Variants in MAST3 observed in about 807,000 individuals in gnomAD.
The protein encoded by MAST3 is microtubule associated serine/threonine kinase 3, also known as microtubule-associated serine/threonine-protein kinase 3.
In MAST3, 43 loss-of-function variants were observed where a neutral mutation model predicts 127.0. That is an observed-to-expected ratio of 0.34 (90% CI 0.27 to 0.44). MAST3 has a LOEUF of 0.44. Ranked by LOEUF, MAST3 falls within the 20% of genes least tolerant of loss-of-function variation. The pLI, the probability that MAST3 is intolerant of heterozygous loss-of-function variation, is 1.00. For missense variants in MAST3, 1,390 were observed against 1,919.1 expected (o/e 0.72, Z 5.15); for synonymous variants, 785 against 809.2 (o/e 0.97, Z 0.51).
At chr19:18,135,022 C>A in intron 17 of MAST3, 40 bp downstream of exon 17, 1 of 1,553,434 alleles carries the variant, frequency 6.4e-7, no homozygotes, top group Non-Finnish European at 8.7e-7. Flanking sequence ...GCTGCAGCCC[C>A]ACCAGAGCTC....
chr19:18,143,650 A>C (rs1401714362), intron 21 of MAST3, 113 bp from the exon 22 acceptor site: 1 of 1,368,788 alleles, frequency 7.3e-7, no homozygotes, highest in Non-Finnish European at 9.9e-7. Context: ...CGTCCTGTCT[A>C]TGCAAATTAC....
chr19:18,145,912 G>T lies in MAST3; in HGVS notation c.3162+47G>T. 1 of 1,528,192 alleles carries T rather than the reference G, an allele frequency of 6.5e-7. No homozygotes were observed. Among genetic ancestry groups the T allele is most frequent in the Non-Finnish European group, 8.7e-7 (1 of 1,146,610 alleles). 94.7% of individuals were successfully genotyped at this position (1,528,192 alleles called of 1,614,324 possible). ...CCCTCAGGGCTCCCCAGCACCCCTT[G>T]GCCGCAGCTCCCGGTTCCCCGTGGT... On this transcript the variant is annotated intron_variant, in intron 25 of 27. Transcript: ENST00000687212. This position sits in a 1 kb window ranked among gnomAD's most constrained non-coding sequence, Gnocchi z 5.9.
At chr19:18,124,935 C>CCA (rs1555798764) in intron 11 of MAST3, among the ~76,000 whole-genome samples, 161 bp downstream of exon 11, 2 of 136,966 alleles carry the variant, frequency 1.5e-5, no homozygotes, top group African/African-American at 5.5e-5. Context: ...GTGGAAACCC[C>CCA]CCCCCTACTA....
chr19:18,146,955 T>C lies in MAST3; in HGVS notation c.3237T>C (p.Asn1079=), dbSNP rs1412239170. 11 of 1,562,344 alleles carry C rather than the reference T, an allele frequency of 7.0e-6. No individual in the cohort carries two copies. The highest frequency in any genetic ancestry group is 2.4e-5 in the East Asian group (1 of 41,962). ...TSIKVGPARK[N]VAKGRMARRS... The stretch of plus-strand genomic sequence containing the variant: ...TCAAGGTGGGCCCCGCCCGGAAGAA[T>C]GTGGCCAAGGGCCGCATGGCACGCA... Residue 1079 remains asparagine (N), a synonymous_variant, in exon 26 of 28, where the codon AAT becomes AAC. Transcript: ENST00000687212.
chr19:18,143,118 AAAAAAC>A (rs1164046614), intron 21 of MAST3, among the ~76,000 whole-genome samples: 2 of 151,792 alleles, frequency 1.3e-5, no homozygotes, highest in Non-Finnish European at 2.9e-5. Flanking sequence ...TCTCAAAAAA[AAAAAAC>A]AAAACAAAAA....
intron 12 of MAST3, 39 bp from the exon 13 acceptor site, chr19:18,128,827 T>G (rs2040946400): frequency 6.5e-7 from 1 of 1,532,244 alleles, no homozygotes; most frequent in African/African-American, 1.4e-5. Context: ...TTCCCAGCTC[T>G]GCAGCGGGGC....
intron 15 of MAST3, 72 bp downstream of exon 15, chr19:18,132,119 G>A (rs2041371041): frequency 6.3e-7 from 1 of 1,583,718 alleles, no homozygotes. Flanking sequence ...GGGCCAAAGA[G>A]GATCAGGGCA....
intron 13 of MAST3, 61 bp from the exon 14 acceptor site, chr19:18,130,433 G>A: frequency 6.9e-7 from 1 of 1,455,956 alleles, no homozygotes; most frequent in Non-Finnish European, 9.4e-7. Context: ...CTCAAGTTGA[G>A]CTGTAGTGCC....
At chr19:18,122,862 A>G in intron 6 of MAST3, 111 bp downstream of exon 6, 2 of 1,148,074 alleles carry the variant, frequency 1.7e-6, no homozygotes, top group Non-Finnish European at 1.3e-6. Context: ...CAGCAAACAT[A>G]CTAGTTACTT....
At chr19:18,115,359 G>A (rs1206485880) in intron 3 of MAST3, among the ~76,000 whole-genome samples, 1 of 152,070 alleles carries the variant, frequency 6.6e-6, no homozygotes, top group Admixed American at 6.5e-5. Context: ...AATAGGGGGT[G>A]TGTAGGTGTT....
intron 19 of MAST3, among the ~76,000 whole-genome samples, chr19:18,137,777 A>C (rs1599848075): frequency 6.7e-6 from 1 of 149,986 alleles, no homozygotes; most frequent in East Asian, 2.0e-4. Flanking sequence ...CTGAGGAATG[A>C]CTCTCTCTCT....
At chr19:18,105,974 G>A (rs1324764069) in intron 1 of MAST3, among the ~76,000 whole-genome samples, 2 of 152,162 alleles carry the variant, frequency 1.3e-5, no homozygotes, top group African/African-American at 4.8e-5. Context: ...CATCTGAGAT[G>A]GGACAGGGAG....
intron 3 of MAST3, among the ~76,000 whole-genome samples, chr19:18,119,820 G>A (rs535336028): frequency 5.3e-4 from 81 of 152,290 alleles, no homozygotes; most frequent in South Asian, 4.6e-3. Context: ...ATGATCATAC[G>A]CTTGTTCTCC....
At chr19:18,138,400 T>G (rs1372610564) in intron 19 of MAST3, among the ~76,000 whole-genome samples, 1 of 151,616 alleles carries the variant, frequency 6.6e-6, no homozygotes, top group East Asian at 2.0e-4. Context: ...TACTGGAACT[T>G]CTACCTCCCG....
intron 3 of MAST3, among the ~76,000 whole-genome samples, chr19:18,120,210 G>C (rs1335017454): frequency 6.6e-6 from 1 of 152,186 alleles, no homozygotes; most frequent in East Asian, 1.9e-4. Context: ...GTTGCATTTA[G>C]GGTTTCTAGT....
At chr19:18,136,690 G>GT (rs1568594585) in intron 18 of MAST3, among the ~76,000 whole-genome samples, 1 of 152,122 alleles carries the variant, frequency 6.6e-6, no homozygotes, top group Non-Finnish European at 1.5e-5. Flanking sequence ...GCCTCCCAAA[G>GT]TGCTGGCATT....
chr19:18,116,184 C>T lies in MAST3; in HGVS notation c.161+5443C>T, dbSNP rs888232668. On this transcript the variant is annotated intron_variant, in intron 3 of 27. Coordinates refer to ENST00000687212, the MANE Select transcript of MAST3 (RefSeq NM_001393504.1). ...TCTCGGCCCACTGCAACCTCCACCT[C>T]CCGGGTACAAGTGATTCTACCACCT... Among the ~76,000 whole-genome samples the T allele has an allele frequency of 5.3e-5, 8 of 150,096 alleles. No homozygotes were observed. The East Asian group carries it at 1.6e-3, about 29-fold the overall frequency.
rs2042916065 is a variant in MAST3 at position 18,145,338 on chromosome 19, G to A, written c.3039+109G>A. The A allele has an allele frequency of 9.6e-7, 1 of 1,045,648 alleles. No individual in the cohort carries two copies. The highest frequency in any genetic ancestry group is 1.6e-5 in the African/African-American group (1 of 63,762). 64.8% of individuals were successfully genotyped at this position (1,045,648 alleles called of 1,614,324 possible). ...AGCCTGGCAGGGTTAGGTAGATAGA[G>A]CTGGTGCCACCGAGTTCATCTCGGT... On this transcript the variant is annotated intron_variant, in intron 24 of 27. Coordinates refer to ENST00000687212, the MANE Select transcript of MAST3 (RefSeq NM_001393504.1). This position sits in a 1 kb window ranked among gnomAD's most constrained non-coding sequence, Gnocchi z 5.9.
At position 18,142,015 on chromosome 19, in the gene MAST3, G is replaced by A. The variant is rs753133725; in HGVS notation, c.2339G>A (p.Arg780Gln). Residue 780 changes from arginine to glutamine, a missense_variant and splice_region_variant, in exon 21 of 28, where the codon CGG becomes CAG. Around this residue, in one of 5 missense-constraint regions of MAST3, gnomAD observed 816 missense variants for 934.1 expected, o/e 0.87. Coordinates refer to ENST00000687212, the MANE Select transcript of MAST3 (RefSeq NM_001393504.1). ...DYGRRLSADI[R>Q]LRSWTSSGSS... ...GGCCGCCGGCTGAGTGCTGACATCC[G>A]GTAAGTGGCCTGGGGAAGTGTAGGC... 26 of 1,486,288 alleles carry A rather than the reference G, an allele frequency of 1.7e-5. No homozygotes were observed. Among genetic ancestry groups the A allele is most frequent in the Middle Eastern group, 1.8e-4 (1 of 5,626 alleles). 92.1% of individuals were successfully genotyped at this position (1,486,288 alleles called of 1,614,324 possible). A position where few individuals can be genotyped will look rare whatever the true frequency, so the allele number is the denominator to read the frequency against.
Sources: allele counts gnomAD v4.1 joint callset (sites outside exome capture counted in the v4.1 genomes callset), GRCh38; gene constraint gnomAD v4.1.1; regional missense constraint gnomAD v4.1.1; non-coding constraint Gnocchi (gnomAD v3.1); transcripts MANE v1.5; gene names NCBI Gene and HGNC (gene_info 2026-07-23, HGNC 2026-07-21).